DNAAF4: variants seen among roughly 807,000 people sequenced by gnomAD.
DNAAF4 encodes dynein assembly factor 4, axonemal.
Under a neutral mutation model 51.8 loss-of-function variants are expected in DNAAF4, and 43 were observed. The observed-to-expected ratio is 0.83, with a 90% CI of 0.65 to 1.07. The LOEUF is 1.07. Ranked by LOEUF, DNAAF4 falls within the 50% of genes least tolerant of loss-of-function variation. The pLI, the probability that DNAAF4 is intolerant of heterozygous loss-of-function variation, is 0.00. For synonymous variants in DNAAF4, 194 were observed against 165.6 expected (o/e 1.17, Z -1.32); for missense variants, 581 against 493.0 (o/e 1.18, Z -1.69).
At chr15:55,467,544 TACAC>T (rs59329424) in intron 4 of DNAAF4, among the ~76,000 whole-genome samples, 16 of 150,144 alleles carry the variant, frequency 1.1e-4, no homozygotes, top group South Asian at 4.3e-4. Context: ...TCTCAAAATC[TACAC>T]ACACACACAC....
At position 55,473,353 on chromosome 15, in the gene DNAAF4, A is replaced by G. The variant is rs1445038784; in HGVS notation, c.406-6192T>C. On this transcript the variant is annotated intron_variant, in intron 4 of 9. Coordinates refer to ENST00000321149, the MANE Select transcript of DNAAF4 (RefSeq NM_130810.4). ...TATATGTGTGTATATATATGTGTGT[A>G]TATATATGTGTGTGTGTATATATAT... is the stretch of plus-strand genomic sequence containing the variant. 1.7e-4 allele frequency among the ~76,000 whole-genome samples: 23 copies of G among 134,140 alleles called. 2 individuals are homozygous for G. The highest frequency in any genetic ancestry group is 3.9e-4 in the Admixed American group (5 of 12,952). The allele number at this position is 134,140 out of a possible 152,430, so 88.0% of individuals were successfully genotyped here.
At chr15:55,487,643 C>G (rs541697357) in intron 4 of DNAAF4, among the ~76,000 whole-genome samples, 190 of 151,920 alleles carry the variant, frequency 1.3e-3, no homozygotes, top group Middle Eastern at 6.8e-3. Flanking sequence ...TCAGCAAGAC[C>G]ACGAACCTAC....
intron 4 of DNAAF4, 197 bp downstream of exon 4, chr15:55,490,926 C>T: frequency 1.9e-6 from 1 of 515,270 alleles, no homozygotes; most frequent in East Asian, 3.4e-5. Flanking sequence ...TGCACTCCAG[C>T]CTGGGCGACA....
chr15:55,481,275 A>G (rs899333298), intron 4 of DNAAF4, among the ~76,000 whole-genome samples: 14 of 152,142 alleles, frequency 9.2e-5, no homozygotes, highest in South Asian at 2.1e-4. Flanking sequence ...ATATCAACCA[A>G]TCAGGATTAG....
chr15:55,448,541 T>G (rs1293724250), intron 6 of DNAAF4, among the ~76,000 whole-genome samples: 13 of 139,564 alleles, frequency 9.3e-5, no homozygotes, highest in African/African-American at 3.3e-4. Flanking sequence ...TGTGTGTGTG[T>G]GTGTGTGTGT....
At chr15:55,461,329 C>A (rs2058091933) in intron 5 of DNAAF4, among the ~76,000 whole-genome samples, 1 of 152,026 alleles carries the variant, frequency 6.6e-6, no homozygotes. Flanking sequence ...ATCTCCTGAC[C>A]TCGTGATCCA....
chr15:55,441,588 G>A (rs1238680804), intron 6 of DNAAF4, among the ~76,000 whole-genome samples: 71 of 130,254 alleles, frequency 5.5e-4, no homozygotes, highest in Non-Finnish European at 8.3e-4. Context: ...AACAGGCCCC[G>A]GTGTGTGATG....
Position 55,450,221 on chromosome 15 carries a change from C to A in DNAAF4, c.783+1G>T, listed in dbSNP as rs2057912434. On this transcript the variant is annotated splice_donor_variant, in intron 6 of 9. Transcript: ENST00000321149. LOFTEE classifies it high-confidence loss of function. ...ATTGTAACTAGAGTAAGTATATATA[C>A]CTCCTCCTCTTCTGCTACTTGTGAT... 1.2e-6 allele frequency: 2 copies of A among 1,608,170 alleles called. No homozygotes were observed. Among genetic ancestry groups the A allele is most frequent in the Non-Finnish European group, 1.7e-6 (2 of 1,178,486 alleles).
chr15:55,443,831 T>C (rs1170523880), intron 6 of DNAAF4, among the ~76,000 whole-genome samples: 3 of 152,256 alleles, frequency 2.0e-5, no homozygotes, highest in Non-Finnish European at 4.4e-5. Flanking sequence ...ATCTGTTGGC[T>C]GCATAAATGT....
At chr15:55,449,175 C>T (rs554918388) in intron 6 of DNAAF4, among the ~76,000 whole-genome samples, 64 of 149,464 alleles carry the variant, frequency 4.3e-4, no homozygotes, top group Admixed American at 1.3e-3. Context: ...TTTTTAATAG[C>T]GATGGGGTTT....
In DNAAF4 at chr15:55,496,222, C is replaced by T. The variant is rs1056918950; in HGVS notation, c.271+1490G>A. On this transcript the variant is annotated intron_variant, in intron 3 of 9. Transcript: ENST00000321149. Reference sequence around the variant, plus strand: ...CTCCAGCCTGGGTGACTGAGCGAGACTCTGTCTTTCCAAACAAACAAACAA... The same window carrying T: ...CTCCAGCCTGGGTGACTGAGCGAGATTCTGTCTTTCCAAACAAACAAACAA... Among the ~76,000 whole-genome samples the T allele has an allele frequency of 5.9e-5, 9 of 152,262 alleles. No homozygotes were observed. In the South Asian group the frequency reaches 1.2e-3, roughly 21 times the overall value.
chr15:55,427,174 C>A (rs552273242), downstream of DNAAF4, among the ~76,000 whole-genome samples: 1 of 152,092 alleles, frequency 6.6e-6, no homozygotes, highest in South Asian at 2.1e-4. Context: ...TCAAGCAATT[C>A]TCTGCCTCAG....
chr15:55,444,054 C>A (rs1355663505), intron 6 of DNAAF4, among the ~76,000 whole-genome samples: 3 of 152,054 alleles, frequency 2.0e-5, no homozygotes, highest in African/African-American at 7.2e-5. Context: ...TTAATTAGAT[C>A]CCATTTGTCA....
At chr15:55,501,880 T>G (rs2058701218) in intron 1 of DNAAF4, among the ~76,000 whole-genome samples, 1 of 151,458 alleles carries the variant, frequency 6.6e-6, no homozygotes. Flanking sequence ...CCATCTCTAT[T>G]AAAAATACAA....
chr15:55,490,100 C>T (rs1238549297), intron 4 of DNAAF4, among the ~76,000 whole-genome samples: 1 of 152,044 alleles, frequency 6.6e-6, no homozygotes, highest in African/African-American at 2.4e-5. Flanking sequence ...TGTTGAACTA[C>T]TGACCTCATG....
chr15:55,423,949 G>A (rs2057408978), intron 7 of DNAAF4, among the ~76,000 whole-genome samples: 1 of 152,158 alleles, frequency 6.6e-6, no homozygotes, highest in Non-Finnish European at 1.5e-5. Context: ...AATTAGCCGG[G>A]CATGGTGGCG....
intron 6 of DNAAF4, among the ~76,000 whole-genome samples, chr15:55,447,824 G>A (rs1183885992): frequency 9.0e-6 from 1 of 110,580 alleles, no homozygotes; most frequent in Non-Finnish European, 1.9e-5. Flanking sequence ...GGAGAGGGGA[G>A]AGGGCAGAGG....
At chr15:55,474,766 G>T (rs1414870119) in intron 4 of DNAAF4, among the ~76,000 whole-genome samples, 1 of 152,086 alleles carries the variant, frequency 6.6e-6, no homozygotes, top group African/African-American at 2.4e-5. Context: ...ATTACCTGAG[G>T]TTGGGAGTTC....
At chr15:55,500,040 T>A (rs1012516280) in intron 1 of DNAAF4, among the ~76,000 whole-genome samples, 1 of 151,898 alleles carries the variant, frequency 6.6e-6, no homozygotes, top group Admixed American at 6.6e-5. Context: ...GATTTTCAAC[T>A]TTTTTTTAAC....
Sources: gnomAD v4.1 joint callset for allele counts (sites outside exome capture counted in the v4.1 genomes callset) on GRCh38, gnomAD v4.1.1 for gene constraint, MANE v1.5 for transcripts, NCBI Gene and HGNC (gene_info 2026-07-23, HGNC 2026-07-21) for gene names.